Variants in MAGED1 observed in about 807,000 individuals in gnomAD.
The protein encoded by MAGED1 is melanoma-associated antigen D1.
MAGED1 carries 3 observed loss-of-function variants against 54.1 expected under a neutral mutation model. That is an observed-to-expected ratio of 0.06 (90% CI 0.03 to 0.14). The LOEUF (loss-of-function observed/expected upper bound fraction) is 0.14, where lower values mean the gene tolerates loss of function less well. MAGED1 is among the 10% of genes least tolerant of loss of function. The probability of loss-of-function intolerance (pLI) is 1.00; values close to 1 mark genes in which losing one functional copy is unlikely to be tolerated. For synonymous variants in MAGED1, 217 were observed against 227.3 expected (o/e 0.95, Z 0.41); for missense variants, 485 against 623.4 (o/e 0.78, Z 2.36).
intron 1 of MAGED1, among the ~76,000 whole-genome samples, chrX:51,823,353 G>A (rs1925712875): frequency 9.0e-6 from 1 of 111,643 alleles, no homozygotes; most frequent in Admixed American, 9.5e-5. Flanking sequence ...GTGATGGATT[G>A]GCAGCTTAAA....
chrX:51,828,037 G>A (rs1925920123), intron 1 of MAGED1, among the ~76,000 whole-genome samples: 1 of 111,874 alleles, frequency 8.9e-6, no homozygotes, highest in African/African-American at 3.2e-5. Context: ...TTTAGATTCA[G>A]TTTAGCTATG....
At chrX:51,893,353 G>T (rs1232091189), upstream of MAGED1, among the ~76,000 whole-genome samples, 5 of 109,158 alleles carry the variant, frequency 4.6e-5, no homozygotes, top group African/African-American at 6.7e-5. Context: ...TGGGGCAAGG[G>T]GTGGGACCAA....
At chrX:51,848,119 A>G (rs183815824) in intron 1 of MAGED1, among the ~76,000 whole-genome samples, 71 of 111,629 alleles carry the variant, frequency 6.4e-4, no homozygotes, top group African/African-American at 2.2e-3. Flanking sequence ...AATGTCTCAG[A>G]TAAACTAGGG....
chrX:51,832,691 C>T lies in MAGED1; in HGVS notation c.-37+29574C>T, dbSNP rs1284522283. ...CTACTCACGAGCCTTAATGTGTCTT[C>T]TTACCTCTTCTTTTCCTCACCTGCC... On this transcript the variant is annotated intron_variant, in intron 1 of 12. Transcript: ENST00000375772. Among the ~76,000 whole-genome samples, 3 of 111,522 alleles carry T rather than the reference C, an allele frequency of 2.7e-5. No individual in the cohort carries two copies. The Admixed American group carries it at 2.9e-4, about 11-fold the overall frequency.
chrX:51,829,678 G>A lies in MAGED1; in HGVS notation c.-37+26561G>A, dbSNP rs552670398. Among the ~76,000 whole-genome samples the A allele has an allele frequency of 1.9e-3, 207 of 111,400 alleles. 1 individual carries two copies. Among genetic ancestry groups the A allele is most frequent in the Non-Finnish European group, 3.2e-3 (170 of 52,938 alleles). On this transcript the variant is annotated intron_variant, in intron 1 of 12. Transcript: ENST00000375772. The stretch of plus-strand genomic sequence containing the variant: ...TATGAACAGGTAATTTATAAAAAAG[G>A]AAATACAGAAGTCCAATAAATACAT...
At position 51,846,643 on chromosome X, in the gene MAGED1, C is replaced by G. The variant is rs146977489; in HGVS notation, c.-37+43526C>G. Reference sequence around the variant, plus strand: ...GGCTGTACAGGAAACATAGCAGCTTCTGCTTCTGGGGAGGCCTCAGAAAAC... The same window carrying G: ...GGCTGTACAGGAAACATAGCAGCTTGTGCTTCTGGGGAGGCCTCAGAAAAC... On this transcript the variant is annotated intron_variant, in intron 1 of 12. Transcript: ENST00000375772. Among the ~76,000 whole-genome samples, 708 of 111,777 alleles carry G rather than the reference C, an allele frequency of 6.3e-3. 4 individuals are homozygous for G. Among genetic ancestry groups the G allele is most frequent in the African/African-American group, 0.022 (675 of 30,759 alleles).
intron 1 of MAGED1, among the ~76,000 whole-genome samples, chrX:51,867,075 T>C (rs1472151592): frequency 1.8e-5 from 2 of 112,061 alleles, no homozygotes; most frequent in African/African-American, 6.5e-5. Flanking sequence ...CAAAACATCA[T>C]CTTTATTACT....
intron 1 of MAGED1, among the ~76,000 whole-genome samples, chrX:51,832,145 T>C (rs1557357509): frequency 9.0e-6 from 1 of 111,217 alleles, no homozygotes; most frequent in African/African-American, 3.3e-5. Context: ...TCCTCCCACC[T>C]CAGCCTCCTG....
upstream of MAGED1, among the ~76,000 whole-genome samples, chrX:51,888,869 A>G (rs1020723736): frequency 2.7e-5 from 3 of 112,423 alleles, no homozygotes; most frequent in African/African-American, 9.7e-5. Context: ...GCCAATCTCA[A>G]AATGTGACAT....
At chrX:51,882,636 A>G (rs1250849026) in intron 1 of MAGED1, among the ~76,000 whole-genome samples, 1 of 109,524 alleles carries the variant, frequency 9.1e-6, no homozygotes, top group Non-Finnish European at 1.9e-5. Context: ...GCTTCAATGT[A>G]AATCCACTCT....
intron 1 of MAGED1, among the ~76,000 whole-genome samples, chrX:51,835,027 G>A (rs1926196736): frequency 1.8e-5 from 2 of 111,506 alleles, no homozygotes; most frequent in South Asian, 7.4e-4. Context: ...TGCTATTCTT[G>A]AATTTTCTGG....
chrX:51,863,028 A>G (rs1415154256), intron 1 of MAGED1, among the ~76,000 whole-genome samples: 1 of 111,747 alleles, frequency 8.9e-6, no homozygotes, highest in East Asian at 2.8e-4. Flanking sequence ...ATACATTATT[A>G]CTAACTATAT....
At chrX:51,874,367 G>C (rs1927794650) in intron 1 of MAGED1, among the ~76,000 whole-genome samples, 1 of 111,395 alleles carries the variant, frequency 9.0e-6, no homozygotes, top group Admixed American at 9.5e-5. Flanking sequence ...AGTAATGATG[G>C]AGATGAAACC....
At chrX:51,852,730 A>G (rs1926942768) in intron 1 of MAGED1, among the ~76,000 whole-genome samples, 2 of 112,014 alleles carry the variant, frequency 1.8e-5, no homozygotes, top group East Asian at 2.8e-4. Flanking sequence ...CCACGCCTCC[A>G]CAGCAGCAGG....
intron 1 of MAGED1, among the ~76,000 whole-genome samples, chrX:51,840,063 T>C (rs1557358305): frequency 8.9e-6 from 1 of 112,005 alleles, no homozygotes. Flanking sequence ...AGACTTTCTG[T>C]TGTGAGATAT....
In MAGED1 at chrX:51,896,880, G is replaced by A. The variant is rs1415944420; in HGVS notation, c.1225G>A (p.Asp409Asn). ...QGPPDWPLPP[D>N]WPLPPDWPLP... ...TCCTCCTGACTGGCCGCTACCACCC[G>A]ACTGGCCACTGCCACCTGATTGGCC... is the stretch of plus-strand genomic sequence containing the variant. The change falls in exon 4 of 13, where the codon GAC becomes AAC. Residue 409 changes from aspartate (D) to asparagine (N), a missense_variant. This residue lies in a region of MAGED1 where 186 missense variants were observed against 330.3 expected (regional missense o/e 0.56). Coordinates refer to ENST00000326587, the MANE Select transcript of MAGED1 (RefSeq NM_006986.4). The A allele has an allele frequency of 5.8e-6, 7 of 1,203,564 alleles. No homozygotes were observed. Among genetic ancestry groups the A allele is most frequent in the Non-Finnish European group, 7.8e-6 (7 of 892,208 alleles).
chrX:51,898,092 T>C (rs1557364533), intron 7 of MAGED1, 22 bp from the exon 8 acceptor site: 2 of 1,188,448 alleles, frequency 1.7e-6, no homozygotes, highest in South Asian at 1.8e-5. Flanking sequence ...ACTGAAAATA[T>C]ATTCTTTCTA....
chrX:51,874,871 G>A (rs1344438915), intron 1 of MAGED1, among the ~76,000 whole-genome samples: 1 of 108,642 alleles, frequency 9.2e-6, no homozygotes, highest in African/African-American at 3.4e-5. Flanking sequence ...TTTACCTTTC[G>A]GTAAAATTTT....
intron 2 of MAGED1, 196 bp downstream of exon 2, chrX:51,894,545 A>ACT: frequency 1.1e-6 from 1 of 920,269 alleles, no homozygotes; most frequent in Admixed American, 2.9e-5. Flanking sequence ...CTGCTCAGAG[A>ACT]GAGGGGAGAC....
Sources: gnomAD v4.1 joint callset for allele counts (sites outside exome capture counted in the v4.1 genomes callset) on GRCh38, gnomAD v4.1.1 for gene constraint, gnomAD v4.1.1 regional missense constraint, MANE v1.5 for transcripts, NCBI Gene and HGNC (gene_info 2026-07-23, HGNC 2026-07-21) for gene names.